NUP98: variants seen among roughly 807,000 people sequenced by gnomAD.
NUP98 encodes nuclear pore complex protein Nup98-Nup96.
A neutral mutation model predicts 191.9 loss-of-function variants in NUP98; 26 were observed. The observed-to-expected ratio is 0.14, with a 90% CI of 0.10 to 0.19. NUP98 has a LOEUF of 0.19. NUP98 is among the 10% of genes least tolerant of loss of function. The pLI, the probability that NUP98 is intolerant of heterozygous loss-of-function variation, is 1.00. For synonymous variants in NUP98, 808 were observed against 778.4 expected, an observed-to-expected ratio of 1.04 and a Z score of -0.63; for missense variants, 1,941 against 2,178.8, an observed-to-expected ratio of 0.89 and a Z score of 2.17.
intron 12 of NUP98, among the ~76,000 whole-genome samples, chr11:3,736,100 T>TGTGTGTG (rs1564862183): frequency 1.8e-5 from 2 of 111,284 alleles, no homozygotes; most frequent in African/African-American, 6.0e-5. Flanking sequence ...GTGTGTGTGT[T>TGTGTGTG]TTGTTTTTTT....
intron 26 of NUP98, among the ~76,000 whole-genome samples, chr11:3,694,887 T>C (rs1245885467): frequency 1.3e-5 from 2 of 152,084 alleles, no homozygotes; most frequent in Non-Finnish European, 2.9e-5. Flanking sequence ...CCTATTGCTA[T>C]AAATTCTTTT....
chr11:3,765,795 C>CT (rs2081317759), intron 8 of NUP98, among the ~76,000 whole-genome samples: 1 of 126,142 alleles, frequency 7.9e-6, no homozygotes, highest in East Asian at 2.1e-4. Flanking sequence ...GAACAAGACT[C>CT]TGTCTCAAAA....
In NUP98 at chr11:3,700,720, A is replaced by T; in HGVS notation, c.3632T>A (p.Val1211Asp). ...PLELKLKHSTVHVDELCPLIV... is the reference protein window; with the variant it reads ...PLELKLKHSTDHVDELCPLIV... ...GAGAGGACACAGTTCATCCACATGG[A>T]CAGTGCTGTGTTTTAATTTGAGCTC... The change falls in exon 24 of 33, where the codon GTC (valine) becomes GAC (aspartate). Residue 1211 changes from valine to aspartate, a missense_variant. Coordinates refer to ENST00000324932, the MANE Select transcript of NUP98 (RefSeq NM_016320.5). The T allele has an allele frequency of 6.2e-7, 1 of 1,613,986 alleles. No homozygotes were observed. Among genetic ancestry groups the T allele is most frequent in the Non-Finnish European group, 8.5e-7 (1 of 1,179,824 alleles).
At chr11:3,701,987 T>C (rs956786993) in intron 23 of NUP98, among the ~76,000 whole-genome samples, 14 of 151,404 alleles carry the variant, frequency 9.2e-5, no homozygotes, top group African/African-American at 3.2e-4. Context: ...TTTTTCAAAG[T>C]CAACTTTAAA....
chr11:3,723,188 T>C lies in NUP98; in HGVS notation c.2115A>G (p.Ile705Met). 2 of 1,614,212 alleles carry C rather than the reference T, an allele frequency of 1.2e-6. No homozygotes were observed. Among genetic ancestry groups the C allele is most frequent in the Non-Finnish European group, 1.7e-6 (2 of 1,180,024 alleles). The change falls in exon 16 of 33, where the codon ATA (isoleucine) becomes ATG (methionine). Residue 705 changes from isoleucine to methionine, a missense_variant. Coordinates refer to ENST00000324932, the MANE Select transcript of NUP98 (RefSeq NM_016320.5). ...DESLQDDREE[I>M]ENNSYHMHPA... ...GGTGCATATGGTAAGAATTATTTTC[T>C]ATTTCTTCTCGGTCATCCTGAAGTG...
At chr11:3,708,932 T>TAC (rs1421670113) in intron 20 of NUP98, among the ~76,000 whole-genome samples, 1 of 152,166 alleles carries the variant, frequency 6.6e-6, no homozygotes, top group Non-Finnish European at 1.5e-5. Flanking sequence ...AAATACTAAC[T>TAC]ACACAGATTA....
intron 8 of NUP98, 43 bp from the exon 9 acceptor site, chr11:3,763,082 T>G: frequency 6.4e-7 from 1 of 1,570,766 alleles, no homozygotes; most frequent in Non-Finnish European, 8.7e-7. Flanking sequence ...CCTGTAATAG[T>G]TTCCGTAACG....
intron 27 of NUP98, among the ~76,000 whole-genome samples, 156 bp from the exon 28 acceptor site, chr11:3,691,645 C>A (rs1457823801): frequency 6.6e-6 from 1 of 152,080 alleles, no homozygotes; most frequent in Non-Finnish European, 1.5e-5. Flanking sequence ...CCTCCGCTTC[C>A]CAGATTCAAA....
At chr11:3,706,296 C>T (rs1185219717) in intron 21 of NUP98, 149 bp downstream of exon 21, 4 of 677,512 alleles carry the variant, frequency 5.9e-6, no homozygotes, top group Non-Finnish European at 1.0e-5. Context: ...GAATGAGGCC[C>T]AGACATTGGC....
At chr11:3,725,018 T>C (rs996611313) in intron 15 of NUP98, 85 bp downstream of exon 15, 3 of 646,902 alleles carry the variant, frequency 4.6e-6, no homozygotes, top group African/African-American at 3.6e-5. Context: ...TCAAACTTCA[T>C]AAATTTTCAT....
intron 1 of NUP98, among the ~76,000 whole-genome samples, chr11:3,786,503 G>C (rs1482385595): frequency 6.6e-6 from 1 of 152,022 alleles, no homozygotes; most frequent in East Asian, 1.9e-4. Context: ...AAATGAAATA[G>C]TGTTATATAG....
chr11:3,707,771 A>G (rs1589999013), intron 20 of NUP98, among the ~76,000 whole-genome samples: 1 of 140,266 alleles, frequency 7.1e-6, no homozygotes, highest in Non-Finnish European at 1.5e-5. Flanking sequence ...AGGAGGAAAA[A>G]GCCCTGGTAA....
intron 7 of NUP98, among the ~76,000 whole-genome samples, chr11:3,769,330 G>A (rs556313843): frequency 2.7e-4 from 41 of 152,234 alleles, no homozygotes; most frequent in Non-Finnish European, 4.4e-4. Context: ...GGAGACCGAG[G>A]TGGGTATATG....
intron 30 of NUP98, 34 bp downstream of exon 30, chr11:3,683,166 G>A (rs771680457): frequency 1.2e-6 from 2 of 1,611,610 alleles, no homozygotes; most frequent in Non-Finnish European, 1.7e-6. Context: ...AGGAATTTGG[G>A]GTGATTCCAG....
At chr11:3,709,798 C>T (rs2078976880) in intron 20 of NUP98, among the ~76,000 whole-genome samples, 1 of 105,128 alleles carries the variant, frequency 9.5e-6, no homozygotes, top group Non-Finnish European at 1.8e-5. Context: ...GGCTGAGGTA[C>T]ACTCTGGGGA....
rs1421930523 is a variant in NUP98 at position 3,711,788 on chromosome 11, C to T, written c.2742+776G>A. 5 of 916,944 alleles carry T rather than the reference C, an allele frequency of 5.5e-6. No homozygotes were observed. In the Admixed American group the frequency reaches 2.3e-4, roughly 42 times the overall value. 56.8% of individuals were successfully genotyped at this position (916,944 alleles called of 1,614,324 possible). Reference sequence around the variant, plus strand: ...AGTTTCCCACATTTATCATACCCTCCCCTCCCCTGTACGCGCAAACATGTA... The same window carrying T: ...AGTTTCCCACATTTATCATACCCTCTCCTCCCCTGTACGCGCAAACATGTA... On this transcript the variant is annotated intron_variant, in intron 20 of 32. Coordinates refer to ENST00000324932, the MANE Select transcript of NUP98 (RefSeq NM_016320.5).
intron 16 of NUP98, 72 bp downstream of exon 16, chr11:3,723,085 T>C: frequency 7.0e-7 from 1 of 1,425,090 alleles, no homozygotes; most frequent in Non-Finnish European, 9.7e-7. Context: ...TTCCATATGT[T>C]GAATATCTGC....
At chr11:3,712,771 C>A in intron 19 of NUP98, 43 bp from the exon 20 acceptor site, 3 of 1,586,286 alleles carry the variant, frequency 1.9e-6, no homozygotes, top group Non-Finnish European at 1.7e-6. Flanking sequence ...AAACATTATG[C>A]TTTCCCAATA....
At chr11:3,739,427 T>G (rs1034962759) in intron 12 of NUP98, among the ~76,000 whole-genome samples, 1 of 152,054 alleles carries the variant, frequency 6.6e-6, no homozygotes, top group African/African-American at 2.4e-5. Context: ...TTTTGTATTT[T>G]TAGTAGAGAC....
Sources: gnomAD v4.1 joint callset for allele counts (sites outside exome capture counted in the v4.1 genomes callset) on GRCh38, gnomAD v4.1.1 for gene constraint, MANE v1.5 for transcripts, NCBI Gene and HGNC (gene_info 2026-07-23, HGNC 2026-07-21) for gene names.